The following LOC128125818 variants were observed in gnomAD, a reference collection of about 807,000 sequenced individuals.
chr4:6,065,929 G>T, the LOC128125818 span, among the ~76,000 whole-genome samples: 1 of 152,128 alleles, frequency 6.6e-6, no homozygotes, highest in East Asian at 1.9e-4. The surrounding 1 kb of genome is among the most constrained non-coding windows in gnomAD (Gnocchi z 5.1). Flanking sequence ...CATCCCCTAG[G>T]GGCTACAGAC....
chr4:6,065,752 A>T, the LOC128125818 span, among the ~76,000 whole-genome samples: 1 of 152,212 alleles, frequency 6.6e-6, no homozygotes, highest in African/African-American at 2.4e-5. The surrounding 1 kb of genome is among the most constrained non-coding windows in gnomAD (Gnocchi z 5.1). Context: ...CCCTGCTGGC[A>T]CTTCTCCCAC....
At chr4:6,069,388 C>T in the LOC128125818 span, among the ~76,000 whole-genome samples, 2 of 152,334 alleles carry the variant, frequency 1.3e-5, no homozygotes, top group East Asian at 3.9e-4. The surrounding 1 kb of genome is among the most constrained non-coding windows in gnomAD (Gnocchi z 4.5). Context: ...TCTAGCCTTC[C>T]ATGTTCCTTG....
At chr4:6,066,525 A>C in the LOC128125818 span, among the ~76,000 whole-genome samples, 3 of 152,022 alleles carry the variant, frequency 2.0e-5, no homozygotes, top group African/African-American at 7.2e-5. Context: ...CCTTTATGGC[A>C]TTGTGGAATC....
At chr4:6,065,729 G>A in the LOC128125818 span, among the ~76,000 whole-genome samples, 6 of 152,330 alleles carry the variant, frequency 3.9e-5, no homozygotes, top group African/African-American at 1.2e-4. This position sits in a 1 kb window ranked among gnomAD's most constrained non-coding sequence, Gnocchi z 5.1. Flanking sequence ...TCTATGTGAC[G>A]GCCTCTGAGT....
the LOC128125818 span, among the ~76,000 whole-genome samples, chr4:6,065,406 G>T: frequency 6.6e-6 from 1 of 152,224 alleles, no homozygotes; most frequent in African/African-American, 2.4e-5. This position sits in a 1 kb window ranked among gnomAD's most constrained non-coding sequence, Gnocchi z 5.1. Flanking sequence ...CACGCTCCAT[G>T]AGCAGCGCAC....
At chr4:6,068,946 C>T in the LOC128125818 span, among the ~76,000 whole-genome samples, 9 of 152,060 alleles carry the variant, frequency 5.9e-5, no homozygotes, top group African/African-American at 1.9e-4. Flanking sequence ...AGTTTGTTTC[C>T]TTTAGAGAAA....
chr4:6,067,173 C>T, the LOC128125818 span, among the ~76,000 whole-genome samples: 1 of 152,206 alleles, frequency 6.6e-6, no homozygotes, highest in East Asian at 1.9e-4. The surrounding 1 kb of genome is among the most constrained non-coding windows in gnomAD (Gnocchi z 4.6). Context: ...CCCCCTACCC[C>T]TTGAAATGGA....
the LOC128125818 span, among the ~76,000 whole-genome samples, chr4:6,066,513 G>A: frequency 1.1e-4 from 17 of 151,918 alleles, no homozygotes; most frequent in Non-Finnish European, 1.9e-4. Flanking sequence ...CGTCAGCTGC[G>A]TCCTTTATGG....
chr4:6,068,106 G>C, the LOC128125818 span, among the ~76,000 whole-genome samples: 3 of 152,188 alleles, frequency 2.0e-5, no homozygotes, highest in African/African-American at 7.2e-5. Flanking sequence ...CACTGTGAAG[G>C]CTCTGCAGGA....
the LOC128125818 span, among the ~76,000 whole-genome samples, chr4:6,065,488 A>C: frequency 3.7e-3 from 562 of 152,346 alleles, 3 homozygotes; most frequent in African/African-American, 0.013. This position sits in a 1 kb window ranked among gnomAD's most constrained non-coding sequence, Gnocchi z 5.1. Context: ...CTGGATGAAT[A>C]AGGACAGCAG....
the LOC128125818 span, chr4:6,065,017 C>A: frequency 1.2e-6 from 2 of 1,614,124 alleles, no homozygotes; most frequent in African/African-American, 1.3e-5. The surrounding 1 kb of genome is among the most constrained non-coding windows in gnomAD (Gnocchi z 5.1). Flanking sequence ...TTCTGTAAAA[C>A]GCAATTTGTA....
chr4:6,070,051 G>A, the LOC128125818 span: 6 of 398,664 alleles, frequency 1.5e-5, no homozygotes, highest in East Asian at 2.1e-4. Context: ...CGAACCAGCT[G>A]CCTACCTTCA....
the LOC128125818 span, among the ~76,000 whole-genome samples, chr4:6,067,244 C>G: frequency 6.6e-6 from 1 of 152,222 alleles, no homozygotes; most frequent in Admixed American, 6.5e-5. The surrounding 1 kb of genome is among the most constrained non-coding windows in gnomAD (Gnocchi z 4.6). Context: ...TGTTAATGAA[C>G]TCAAAGCCAC....
At chr4:6,065,068 C>A in the LOC128125818 span, 1 of 1,605,186 alleles carries the variant, frequency 6.2e-7, no homozygotes, top group Non-Finnish European at 8.5e-7. The surrounding 1 kb of genome is among the most constrained non-coding windows in gnomAD (Gnocchi z 5.1). Context: ...GTCTACCAGT[C>A]CCTGGTCGTG....
the LOC128125818 span, among the ~76,000 whole-genome samples, chr4:6,067,980 A>G: frequency 6.6e-6 from 1 of 152,366 alleles, no homozygotes; most frequent in East Asian, 1.9e-4. The surrounding 1 kb of genome is among the most constrained non-coding windows in gnomAD (Gnocchi z 4.6). Flanking sequence ...AGGAAGCATC[A>G]TCAAGTTACA....
the LOC128125818 span, among the ~76,000 whole-genome samples, chr4:6,068,558 C>CT: frequency 0.82 from 111,586 of 136,326 alleles, 47,801 homozygotes; most frequent in East Asian, 0.95. Context: ...AATTTTTTAA[C>CT]TTTTTTTTTT....
the LOC128125818 span, among the ~76,000 whole-genome samples, chr4:6,066,472 A>G: frequency 4.6e-5 from 7 of 152,064 alleles, no homozygotes; most frequent in Admixed American, 2.0e-4. Flanking sequence ...TGCATGGGGA[A>G]TACGACTCTC....
the LOC128125818 span, among the ~76,000 whole-genome samples, chr4:6,066,955 C>G: frequency 0.011 from 1,687 of 152,270 alleles, 26 homozygotes; most frequent in Middle Eastern, 0.031. Flanking sequence ...GACGCTCTTC[C>G]CCAGAATCCA....
At chr4:6,068,376 A>G in the LOC128125818 span, among the ~76,000 whole-genome samples, 3 of 152,110 alleles carry the variant, frequency 2.0e-5, no homozygotes, top group African/African-American at 7.2e-5. Context: ...GCTTTGAGGG[A>G]AAGAGGAAGC....
Sources: gnomAD v4.1 joint callset for allele counts (sites outside exome capture counted in the v4.1 genomes callset) on GRCh38, gnomAD v4.1.1 for gene constraint, Gnocchi (gnomAD v3.1) non-coding constraint, MANE v1.5 for transcripts.